Variants in FRY observed in about 807,000 individuals in gnomAD.
The protein encoded by FRY is FRY microtubule binding protein.
In FRY, 128 loss-of-function variants were observed where a neutral mutation model predicts 348.4. The observed-to-expected ratio is 0.37, with a 90% CI of 0.32 to 0.43. The LOEUF (loss-of-function observed/expected upper bound fraction) is 0.43. FRY is among the 20% of genes least tolerant of loss of function. The pLI, the probability that FRY is intolerant of heterozygous loss-of-function variation, is 1.00. For synonymous variants in FRY, 1,370 were observed against 1,374.7 expected, an observed-to-expected ratio of 1.00 and a Z score of 0.08; for missense variants, 2,736 against 3,695.2, an observed-to-expected ratio of 0.74 and a Z score of 6.73.
At chr13:32,217,771 G>A (rs140169538) in intron 35 of FRY, among the ~76,000 whole-genome samples, 2 of 152,330 alleles carry the variant, frequency 1.3e-5, no homozygotes, top group East Asian at 1.9e-4. Context: ...TCTCAAAGAT[G>A]AGTGAGCAAG....
chr13:32,044,714 C>G (rs1468116922), intron 1 of FRY, among the ~76,000 whole-genome samples: 2 of 152,274 alleles, frequency 1.3e-5, no homozygotes, highest in East Asian at 3.9e-4. Context: ...GACTGCTATC[C>G]CAGTTGCTGG....
intron 3 of FRY, among the ~76,000 whole-genome samples, chr13:32,106,648 A>G (rs1370072130): frequency 6.6e-6 from 1 of 152,204 alleles, no homozygotes; most frequent in Non-Finnish European, 1.5e-5. Context: ...AGCATATACC[A>G]TTTCTACTTA....
intron 1 of FRY, among the ~76,000 whole-genome samples, chr13:32,058,504 A>G (rs1009563411): frequency 7.2e-5 from 11 of 152,114 alleles, no homozygotes; most frequent in Non-Finnish European, 1.6e-4. Flanking sequence ...TCTAAGTTTT[A>G]TGTCTGCTTT....
In FRY at chr13:32,294,442, C is replaced by A; in HGVS notation, c.8655C>A (p.Asp2885Glu). The change falls in exon 60 of 61, where the codon GAC becomes GAA. Residue 2885 changes from aspartate to glutamate, a missense_variant. Physicochemically the swap from Asp to Glu is conservative, Grantham distance 45 (BLOSUM62 2). Around this residue, in one of 9 missense-constraint regions of FRY, gnomAD observed 157 missense variants for 215.2 expected, o/e 0.73. Transcript: ENST00000542859. ...AAGCCAGTGCAGTCATTGCAGCTGA[C>A]CCTCTCTATTCAGACGGCGCGTGGT... ...LKEASAVIAA[D>E]PLYSDGAWSE... 1 of 1,613,990 alleles carries A rather than the reference C, an allele frequency of 6.2e-7. No individual in the cohort carries two copies. The highest frequency in any genetic ancestry group is 8.5e-7 in the Non-Finnish European group (1 of 1,179,878).
At chr13:32,196,258 GT>G (rs1883670950) in intron 29 of FRY, among the ~76,000 whole-genome samples, 1 of 152,128 alleles carries the variant, frequency 6.6e-6, no homozygotes, top group African/African-American at 2.4e-5. Context: ...AAGAATTCTT[GT>G]AAGATAAATA....
At chr13:32,222,011 G>C (rs935549060) in intron 36 of FRY, among the ~76,000 whole-genome samples, 3 of 152,120 alleles carry the variant, frequency 2.0e-5, no homozygotes, top group East Asian at 1.9e-4. Flanking sequence ...ATGGGTGGAG[G>C]GGGAGGGACT....
In FRY at chr13:32,185,161, G is replaced by T. The variant is rs199783380; in HGVS notation, c.3319+13G>T. On this transcript the variant is annotated intron_variant, in intron 26 of 60. Coordinates refer to ENST00000542859, the MANE Select transcript of FRY (RefSeq NM_023037.3). The stretch of plus-strand genomic sequence containing the variant: ...CAGTGTGTTCCAGGTACGGTGATCC[G>T]TTACAAGAAATTACCATTCATGCTT... 6.2e-7 allele frequency: 1 copy of T among 1,611,518 alleles called. No individual in the cohort carries two copies. Among genetic ancestry groups the T allele is most frequent in the Admixed American group, 1.7e-5 (1 of 60,014 alleles).
At chr13:32,261,042 T>C (rs1887614162) in intron 51 of FRY, among the ~76,000 whole-genome samples, 1 of 152,264 alleles carries the variant, frequency 6.6e-6, no homozygotes, top group Non-Finnish European at 1.5e-5. Context: ...GCATAGTGCA[T>C]GATCCATCAG....
chr13:32,032,828 C>T (rs910998806), intron 1 of FRY, among the ~76,000 whole-genome samples: 1 of 152,060 alleles, frequency 6.6e-6, no homozygotes, highest in Non-Finnish European at 1.5e-5. Context: ...ATTTTTTCCC[C>T]GTGAAAATTT....
rs1294079679 is a variant in FRY, at chr13:32,194,317, G to A, written c.3746+20G>A. The A allele has an allele frequency of 1.9e-6, 3 of 1,610,190 alleles. No individual in the cohort carries two copies. Among genetic ancestry groups the A allele is most frequent in the Non-Finnish European group, 2.5e-6 (3 of 1,176,482 alleles). On this transcript the variant is annotated intron_variant, in intron 29 of 60. Coordinates refer to ENST00000542859, the MANE Select transcript of FRY (RefSeq NM_023037.3). ...AAGCAGGTACGAATTTTTATAAGCA[G>A]TGATGAGTGGCAAGTATGTTTAGGG...
intron 46 of FRY, among the ~76,000 whole-genome samples, chr13:32,241,390 G>A (rs905548572): frequency 3.3e-5 from 5 of 152,188 alleles, no homozygotes; most frequent in Non-Finnish European, 5.9e-5. Context: ...AAGTGAAATA[G>A]GCCAGAGGAC....
intron 56 of FRY, among the ~76,000 whole-genome samples, chr13:32,276,038 A>C (rs1222478275): frequency 6.6e-6 from 1 of 152,322 alleles, no homozygotes; most frequent in African/African-American, 2.4e-5. Context: ...AAAGAATACA[A>C]TATGAAAAGT....
At chr13:32,090,593 GCA>G (rs1269310135) in intron 2 of FRY, among the ~76,000 whole-genome samples, 1 of 152,066 alleles carries the variant, frequency 6.6e-6, no homozygotes, top group Non-Finnish European at 1.5e-5. Context: ...AACATAACAT[GCA>G]CAGTTAGAGG....
intron 46 of FRY, among the ~76,000 whole-genome samples, chr13:32,241,708 A>G (rs780129779): frequency 1.3e-5 from 2 of 152,230 alleles, no homozygotes; most frequent in Non-Finnish European, 2.9e-5. Flanking sequence ...GCAGTCTGGA[A>G]AGTAGATTGA....
Position 32,124,673 on chromosome 13 carries a change from C to A in FRY, c.627C>A (p.Tyr209Ter). 1.3e-6 allele frequency: 2 copies of A among 1,566,648 alleles called. No individual in the cohort carries two copies. The highest frequency in any genetic ancestry group is 1.8e-6 in the Non-Finnish European group (2 of 1,136,928). The change falls in exon 6 of 61, where the codon TAC becomes TAA. Residue 209 changes from tyrosine (Y) to a stop codon, truncating the protein, a stop_gained. Coordinates refer to ENST00000542859, the MANE Select transcript of FRY (RefSeq NM_023037.3). LOFTEE classifies it high-confidence loss of function. The part of the protein sequence containing the change: ...VINLAFKHFK[Y>*]KEGYLGPNTG... ...ACTTGGCTTTCAAGCACTTTAAATA[C>A]AAAGAAGGGTAAGATGATTTCTCAC...
chr13:32,058,162 T>A (rs1348999168), intron 1 of FRY, among the ~76,000 whole-genome samples: 1 of 152,202 alleles, frequency 6.6e-6, no homozygotes, highest in African/African-American at 2.4e-5. Flanking sequence ...TTAAATTTAG[T>A]TTACATTAAT....
intron 39 of FRY, among the ~76,000 whole-genome samples, chr13:32,227,986 G>A (rs956537137): frequency 1.3e-5 from 2 of 152,140 alleles, no homozygotes; most frequent in Non-Finnish European, 2.9e-5. Context: ...TCCTGACCTT[G>A]TGATCCACCC....
chr13:32,170,963 G>A, intron 17 of FRY, 49 bp from the exon 18 acceptor site: 1 of 1,310,546 alleles, frequency 7.6e-7, no homozygotes, highest in Non-Finnish European at 1.1e-6. Context: ...AGCTCTAGAA[G>A]ACCAGTTAAT....
chr13:32,175,660 G>A, intron 20 of FRY, 28 bp downstream of exon 20: 3 of 1,259,924 alleles, frequency 2.4e-6, no homozygotes, highest in Non-Finnish European at 3.5e-6. Flanking sequence ...TCCAATTAAT[G>A]GCTCTTAAAA....
Sources: allele counts gnomAD v4.1 joint callset (sites outside exome capture counted in the v4.1 genomes callset), GRCh38; gene constraint gnomAD v4.1.1; regional missense constraint gnomAD v4.1.1; transcripts MANE v1.5; gene names NCBI Gene and HGNC (gene_info 2026-07-23, HGNC 2026-07-21).